The following SLC39A11 variants were observed in gnomAD, a reference collection of about 807,000 sequenced individuals.
SLC39A11 encodes solute carrier family 39 member 11, also known as zinc transporter ZIP11.
A neutral mutation model predicts 36.1 loss-of-function variants in SLC39A11; 33 were observed. That is an observed-to-expected ratio of 0.91 (90% CI 0.69 to 1.22). The LOEUF (loss-of-function observed/expected upper bound fraction) is 1.22. Ranked by LOEUF, SLC39A11 falls within the 50% of genes most tolerant of loss-of-function variation. The probability of loss-of-function intolerance (pLI) is 0.00; values close to 1 mark genes in which losing one functional copy is unlikely to be tolerated. For missense variants in SLC39A11, 432 were observed against 430.3 expected (o/e 1.00, Z -0.03); for synonymous variants, 166 against 170.3 (o/e 0.97, Z 0.20).
At chr17:72,717,198 A>T (rs1327013336) in intron 7 of SLC39A11, among the ~76,000 whole-genome samples, 1 of 150,988 alleles carries the variant, frequency 6.6e-6, no homozygotes, top group Non-Finnish European at 1.5e-5. Context: ...ATTTAAAAAG[A>T]GGAAAAAAAA....
chr17:72,936,323 T>G (rs79603217), intron 5 of SLC39A11, among the ~76,000 whole-genome samples: 1 of 145,686 alleles, frequency 6.9e-6, no homozygotes, highest in East Asian at 2.1e-4. Flanking sequence ...TGGCTTATAC[T>G]AATGAACTAA....
chr17:72,988,771 T>C (rs1050829191), intron 4 of SLC39A11, among the ~76,000 whole-genome samples: 1 of 152,174 alleles, frequency 6.6e-6, no homozygotes, highest in Non-Finnish European at 1.5e-5. Flanking sequence ...TGCAGCGGCA[T>C]GATCTCGGAT....
intron 4 of SLC39A11, among the ~76,000 whole-genome samples, chr17:72,985,632 C>T (rs1390174109): frequency 1.3e-5 from 2 of 151,968 alleles, no homozygotes; most frequent in African/African-American, 4.8e-5. Context: ...AGGCTGGTCT[C>T]GAACTCCTGA....
In SLC39A11 at chr17:72,994,138, A is replaced by G. The variant is rs1598761724; in HGVS notation, c.306+37418T>C. On this transcript the variant is annotated intron_variant, in intron 4 of 9. Coordinates refer to ENST00000255559, the MANE Select transcript of SLC39A11 (RefSeq NM_139177.4). The stretch of plus-strand genomic sequence containing the variant: ...CTTCATAAAAATCCTGCAGTATTTC[A>G]TTTGCTTCATATACAGTAGCCAAAA... Among the ~76,000 whole-genome samples the G allele has an allele frequency of 2.6e-5, 4 of 152,106 alleles. No homozygotes were observed. In the East Asian group the frequency reaches 7.7e-4, roughly 29 times the overall value.
intron 7 of SLC39A11, chr17:72,725,577 T>C (rs12944071): frequency 0.42 from 63,460 of 152,044 alleles, 16,385 homozygotes; most frequent in Non-Finnish European, 0.58. Flanking sequence ...TAGATTTGGA[T>C]AGCGACACAC....
At chr17:72,675,737 G>A (rs1466301572) in intron 7 of SLC39A11, among the ~76,000 whole-genome samples, 1 of 152,214 alleles carries the variant, frequency 6.6e-6, no homozygotes, top group Non-Finnish European at 1.5e-5. Context: ...AGGCTGGAGT[G>A]CAATGGCGCA....
At chr17:72,662,720 AAGAGAG>A (rs372072530) in intron 7 of SLC39A11, among the ~76,000 whole-genome samples, 1 of 150,082 alleles carries the variant, frequency 6.7e-6, no homozygotes, top group Non-Finnish European at 1.5e-5. Context: ...AAAGAGAAGA[AAGAGAG>A]AGAGAGAAAG....
chr17:72,788,952 C>T (rs1161711798), intron 6 of SLC39A11, among the ~76,000 whole-genome samples: 1 of 152,106 alleles, frequency 6.6e-6, no homozygotes, highest in African/African-American at 2.4e-5. Context: ...TTTCTTTTGT[C>T]TGCATGAATG....
intron 6 of SLC39A11, among the ~76,000 whole-genome samples, chr17:72,749,365 CAA>C (rs1489043387): frequency 1.3e-5 from 2 of 152,188 alleles, no homozygotes; most frequent in East Asian, 3.9e-4. Context: ...TCCCTACGTC[CAA>C]AGTCCACGGC....
At chr17:72,690,641 C>T (rs983598931) in intron 7 of SLC39A11, among the ~76,000 whole-genome samples, 1 of 152,238 alleles carries the variant, frequency 6.6e-6, no homozygotes, top group African/African-American at 2.4e-5. Flanking sequence ...TAACCTCCTT[C>T]CTTCTTGTGT....
intron 7 of SLC39A11, among the ~76,000 whole-genome samples, chr17:72,677,153 G>GGAA (rs1446066403): frequency 6.6e-6 from 1 of 152,186 alleles, no homozygotes; most frequent in Non-Finnish European, 1.5e-5. Context: ...TGGACCTAAG[G>GGAA]GAAGCCTCTC....
chr17:72,852,507 C>G (rs1454046910), intron 5 of SLC39A11, among the ~76,000 whole-genome samples: 3 of 152,156 alleles, frequency 2.0e-5, no homozygotes, highest in African/African-American at 2.4e-5. Context: ...TCCTCCCAGA[C>G]AGTATTTACA....
intron 4 of SLC39A11, among the ~76,000 whole-genome samples, chr17:72,953,039 C>T (rs9908434): frequency 0.058 from 8,824 of 152,170 alleles, 433 homozygotes; most frequent in African/African-American, 0.14. Context: ...TTCCCTCTCC[C>T]GATCCTCTTT....
At chr17:72,901,411 T>C (rs2082388977) in intron 5 of SLC39A11, among the ~76,000 whole-genome samples, 1 of 152,212 alleles carries the variant, frequency 6.6e-6, no homozygotes, top group African/African-American at 2.4e-5. Flanking sequence ...AGCCCTGCCC[T>C]CTTGAGCTCT....
intron 7 of SLC39A11, among the ~76,000 whole-genome samples, chr17:72,716,720 G>A (rs997484956): frequency 6.6e-6 from 1 of 152,114 alleles, no homozygotes; most frequent in Non-Finnish European, 1.5e-5. Context: ...TGTAATCCCA[G>A]TACTTTGGGA....
At chr17:73,066,743 G>A (rs2060007331) in intron 3 of SLC39A11, among the ~76,000 whole-genome samples, 1 of 152,200 alleles carries the variant, frequency 6.6e-6, no homozygotes, top group Admixed American at 6.5e-5. Flanking sequence ...AGCAGGACCA[G>A]GAGATGGAGA....
intron 5 of SLC39A11, among the ~76,000 whole-genome samples, chr17:72,931,486 A>G (rs1212550715): frequency 6.6e-6 from 1 of 152,074 alleles, no homozygotes; most frequent in Non-Finnish European, 1.5e-5. Flanking sequence ...CATCTCCAAG[A>G]TCTCAGCCCA....
intron 6 of SLC39A11, among the ~76,000 whole-genome samples, chr17:72,831,119 G>A (rs1343921697): frequency 1.3e-5 from 2 of 149,508 alleles, no homozygotes; most frequent in Admixed American, 1.3e-4. Flanking sequence ...CCTGCAAACA[G>A]GATTCAGAGA....
In SLC39A11 at chr17:72,927,822, ATACACACACACAC is replaced by A. The variant is rs898113300; in HGVS notation, c.430+19917_430+19929del. ...AGGAAATGTATACACACACACACAC[ATACACACACACAC>A]TACACACACACACACTGGAAAGCCC... On this transcript the variant is annotated intron_variant, in intron 5 of 9. Transcript: ENST00000255559. 9.9e-5 allele frequency among the ~76,000 whole-genome samples: 15 copies of A among 152,178 alleles called. No homozygotes were observed. In the South Asian group the frequency reaches 1.5e-3, roughly 15 times the overall value.
Sources: allele counts gnomAD v4.1 joint callset (sites outside exome capture counted in the v4.1 genomes callset), GRCh38; gene constraint gnomAD v4.1.1; transcripts MANE v1.5; gene names NCBI Gene and HGNC (gene_info 2026-07-23, HGNC 2026-07-21).